The following MCMDC2 variants were observed in gnomAD, a reference collection of about 807,000 sequenced individuals.
MCMDC2 encodes the protein minichromosome maintenance domain containing 2, also known as minichromosome maintenance domain-containing protein 2.
MCMDC2 carries 54 observed loss-of-function variants against 75.8 expected under a neutral mutation model. The ratio of observed to expected loss-of-function variants is 0.71; its 90% CI spans 0.57 to 0.89. The LOEUF is 0.89. MCMDC2 is among the 40% of genes least tolerant of loss of function. MCMDC2 has a pLI of 0.00. For synonymous variants in MCMDC2, 249 were observed against 274.6 expected (o/e 0.91, Z 0.92); for missense variants, 656 against 780.4 (o/e 0.84, Z 1.90).
intron 14 of MCMDC2, among the ~76,000 whole-genome samples, chr8:66,908,545 G>A (rs1053572504): frequency 7.2e-5 from 11 of 152,120 alleles, no homozygotes; most frequent in African/African-American, 2.7e-4. Flanking sequence ...GAAAATATAT[G>A]TCTTTGAATT....
chr8:66,872,229 G>A (rs1811055813), intron 1 of MCMDC2, among the ~76,000 whole-genome samples: 1 of 152,310 alleles, frequency 6.6e-6, no homozygotes, highest in South Asian at 2.1e-4. Context: ...TGGGTGTGTG[G>A]ATCCAGTAGT....
intron 11 of MCMDC2, 42 bp downstream of exon 11, chr8:66,896,378 G>T: frequency 6.6e-7 from 1 of 1,505,260 alleles, no homozygotes; most frequent in African/African-American, 1.4e-5. Flanking sequence ...GTTGTTCAAG[G>T]AATAAAGTCA....
At chr8:66,922,334 G>A (rs535145014), downstream of MCMDC2, 4 of 295,726 alleles carry the variant, frequency 1.4e-5, no homozygotes, top group Admixed American at 4.5e-5. Flanking sequence ...TTGAGGTAAC[G>A]AAGCAGAAGT....
downstream of MCMDC2, chr8:66,922,818 T>C (rs570805815): frequency 7.1e-5 from 17 of 240,478 alleles, no homozygotes; most frequent in Middle Eastern, 1.5e-3. Context: ...GAGAATCTCA[T>C]TCCTTTAGGA....
In MCMDC2 at chr8:66,874,428, C is replaced by T; in HGVS notation, c.197C>T (p.Pro66Leu). 1 of 1,613,762 alleles carries T rather than the reference C, an allele frequency of 6.2e-7. No homozygotes were observed. ...AELGNHILHQ[P>L]LKAAEVFQSV... ...CTTGGAAATCACATTTTACACCAAC[C>T]TTTAAAAGCTGCTGAAGTCTTTCAA... Residue 66 changes from proline (P) to leucine (L), a missense_variant, in exon 3 of 15, where the codon CCT (proline) becomes CTT (leucine). Pro to Leu is a moderately conservative substitution (Grantham distance 98). Coordinates refer to ENST00000422365, the MANE Select transcript of MCMDC2 (RefSeq NM_173518.5).
chr8:66,899,357 A>G (rs1812515915), intron 12 of MCMDC2, among the ~76,000 whole-genome samples: 1 of 152,196 alleles, frequency 6.6e-6, no homozygotes, highest in Non-Finnish European at 1.5e-5. Context: ...ATGCCATCTT[A>G]GAGAGAACTT....
intron 7 of MCMDC2, among the ~76,000 whole-genome samples, chr8:66,880,549 A>C (rs967142349): frequency 1.3e-5 from 2 of 152,192 alleles, no homozygotes; most frequent in Non-Finnish European, 2.9e-5. Context: ...AAAATGTTTC[A>C]TCTTATATGG....
At chr8:66,884,249 C>A (rs1188362347) in intron 9 of MCMDC2, 2 of 520,338 alleles carry the variant, frequency 3.8e-6, no homozygotes, top group Non-Finnish European at 6.7e-6. Context: ...GCCTTCCTTT[C>A]CCCCTATTCC....
chr8:66,902,692 C>CAAAAAAAAAA (rs530805303), intron 13 of MCMDC2, among the ~76,000 whole-genome samples: 2 of 57,234 alleles, frequency 3.5e-5, no homozygotes, highest in African/African-American at 1.7e-4. Context: ...GATTCTGTCT[C>CAAAAAAAAAA]AAAAAAAAAA....
Position 66,878,645 on chromosome 8 carries a change from A to G in MCMDC2, c.553A>G (p.Asn185Asp). The change falls in exon 6 of 15, where the codon AAT becomes GAT. Residue 185 changes from asparagine to aspartate, a missense_variant. Asn to Asp is a conservative substitution (Grantham distance 23, BLOSUM62 1). Coordinates refer to ENST00000422365, the MANE Select transcript of MCMDC2 (RefSeq NM_173518.5). The stretch of plus-strand genomic sequence containing the variant: ...AACGATAAGAAATGACTTTTTGTGT[A>G]ATCTATGTGCATCTTCACTTCAAGA... ...SATIRNDFLC[N>D]LCASSLQEDR... 5 of 1,573,134 alleles carry G rather than the reference A, an allele frequency of 3.2e-6. No homozygotes were observed. Among genetic ancestry groups the G allele is most frequent in the Non-Finnish European group, 4.3e-6 (5 of 1,166,394 alleles).
chr8:66,911,662 A>T (rs1021271745), intron 14 of MCMDC2, among the ~76,000 whole-genome samples: 23 of 151,988 alleles, frequency 1.5e-4, no homozygotes, highest in Admixed American at 1.5e-3. Flanking sequence ...TGTCTCTACT[A>T]AAAATACAAA....
chr8:66,913,982 AAAAGT>A (rs1208668797), intron 14 of MCMDC2, among the ~76,000 whole-genome samples: 1 of 150,776 alleles, frequency 6.6e-6, no homozygotes, highest in Non-Finnish European at 1.5e-5. Context: ...AAAAAAAAAA[AAAAGT>A]AAACACATGG....
intron 14 of MCMDC2, among the ~76,000 whole-genome samples, chr8:66,912,205 G>GACTT (rs1340896307): frequency 1.3e-5 from 2 of 152,214 alleles, no homozygotes; most frequent in African/African-American, 4.8e-5. Context: ...AGGGGTTCAA[G>GACTT]ACTTCAGTGG....
rs138532553 is a variant in MCMDC2, at chr8:66,892,542, C to T, written c.1279+1472C>T. Among the ~76,000 whole-genome samples the T allele has an allele frequency of 2.5e-4, 38 of 152,304 alleles. No individual in the cohort carries two copies. The East Asian group carries it at 4.6e-3, about 19-fold the overall frequency. On this transcript the variant is annotated intron_variant, in intron 10 of 14. Coordinates refer to ENST00000422365, the MANE Select transcript of MCMDC2 (RefSeq NM_173518.5). Reference sequence around the variant, plus strand: ...GAAGTGGGTAGCTCGTACCCCCAGGCGGGTAGTCCCAACCTGTGTTTGAGT... The same window carrying T: ...GAAGTGGGTAGCTCGTACCCCCAGGTGGGTAGTCCCAACCTGTGTTTGAGT...
At chr8:66,908,208 A>G (rs141413488) in intron 14 of MCMDC2, among the ~76,000 whole-genome samples, 1 of 152,262 alleles carries the variant, frequency 6.6e-6, no homozygotes, top group Non-Finnish European at 1.5e-5. Flanking sequence ...TTTAGGTTTT[A>G]CATTTAAGCC....
intron 9 of MCMDC2, among the ~76,000 whole-genome samples, chr8:66,885,387 T>G (rs1811792331): frequency 6.6e-6 from 1 of 152,110 alleles, no homozygotes; most frequent in African/African-American, 2.4e-5. Context: ...TTTATTTTAA[T>G]TTGCATTTAT....
intron 14 of MCMDC2, among the ~76,000 whole-genome samples, chr8:66,908,633 G>T (rs1812995128): frequency 6.6e-6 from 1 of 152,008 alleles, no homozygotes. Flanking sequence ...TTGTTTTTGA[G>T]ACAGTCTCAC....
chr8:66,896,106 C>A, intron 10 of MCMDC2, 64 bp from the exon 11 acceptor site: 2 of 1,414,666 alleles, frequency 1.4e-6, no homozygotes, highest in South Asian at 1.3e-5. Context: ...AATGTGTTAG[C>A]AATTTGTAGA....
At chr8:66,889,128 A>AT (rs576119926) in intron 9 of MCMDC2, among the ~76,000 whole-genome samples, 50 of 152,308 alleles carry the variant, frequency 3.3e-4, no homozygotes, top group Admixed American at 2.9e-3. Flanking sequence ...TTTGCACTGC[A>AT]TGTCTATGCC....
Sources: gnomAD v4.1 joint callset for allele counts (sites outside exome capture counted in the v4.1 genomes callset) on GRCh38, gnomAD v4.1.1 for gene constraint, MANE v1.5 for transcripts, NCBI Gene and HGNC (gene_info 2026-07-23, HGNC 2026-07-21) for gene names.